The following THSD7A variants were observed in gnomAD, a reference collection of about 807,000 sequenced individuals.
THSD7A encodes the protein thrombospondin type-1 domain-containing protein 7A.
THSD7A carries 96 observed loss-of-function variants against 231.3 expected under a neutral mutation model. The ratio of observed to expected loss-of-function variants is 0.41; its 90% confidence interval spans 0.35 to 0.49. THSD7A has a LOEUF of 0.49. Ranked by LOEUF, THSD7A falls within the 20% of genes least tolerant of loss-of-function variation. The pLI, the probability that THSD7A is intolerant of heterozygous loss-of-function variation, is 0.05. For synonymous variants in THSD7A, 940 were observed against 743.3 expected (o/e 1.26, Z -4.30); for missense variants, 2,290 against 2,070.2 (o/e 1.11, Z -2.06).
At chr7:11,728,075 T>C (rs562122859) in intron 1 of THSD7A, among the ~76,000 whole-genome samples, 2 of 152,158 alleles carry the variant, frequency 1.3e-5, no homozygotes, top group South Asian at 2.1e-4. Context: ...ATCTGGTAGC[T>C]TGTAAAATGC....
At chr7:11,534,701 T>C (rs1182857737) in intron 6 of THSD7A, among the ~76,000 whole-genome samples, 1 of 152,138 alleles carries the variant, frequency 6.6e-6, no homozygotes, top group Non-Finnish European at 1.5e-5. Context: ...AATGAAGTCA[T>C]GGGAAGACAA....
intron 2 of THSD7A, among the ~76,000 whole-genome samples, chr7:11,616,271 C>G (rs1231549109): frequency 6.6e-6 from 1 of 152,138 alleles, no homozygotes; most frequent in Non-Finnish European, 1.5e-5. Flanking sequence ...CTCAATCTCT[C>G]TGCTTCCAGG....
At chr7:11,408,722 G>C (rs1783675363) in intron 19 of THSD7A, among the ~76,000 whole-genome samples, 1 of 152,032 alleles carries the variant, frequency 6.6e-6, no homozygotes, top group African/African-American at 2.4e-5. Context: ...TTAGCTCTAA[G>C]TTATCCACTG....
intron 11 of THSD7A, among the ~76,000 whole-genome samples, chr7:11,454,072 A>T (rs987659874): frequency 4.0e-4 from 61 of 152,144 alleles, no homozygotes; most frequent in African/African-American, 1.2e-3. Flanking sequence ...GAATAGTATG[A>T]AGAAAATATA....
intron 4 of THSD7A, among the ~76,000 whole-genome samples, chr7:11,588,538 T>G (rs903780032): frequency 2.0e-5 from 3 of 152,218 alleles, no homozygotes; most frequent in Non-Finnish European, 2.9e-5. Context: ...CAACTACATC[T>G]TAATAATGAT....
At chr7:11,507,376 T>C (rs867794582) in intron 6 of THSD7A, among the ~76,000 whole-genome samples, 1 of 152,192 alleles carries the variant, frequency 6.6e-6, no homozygotes, top group African/African-American at 2.4e-5. Context: ...TTTAGTGACT[T>C]TATATATTGT....
chr7:11,721,480 T>C lies in THSD7A; in HGVS notation c.191-84519A>G, dbSNP rs145876880. Among the ~76,000 whole-genome samples the C allele has an allele frequency of 6.6e-5, 10 of 151,994 alleles. No individual in the cohort carries two copies. The East Asian group carries it at 2.0e-3, about 30-fold the overall frequency. On this transcript the variant is annotated intron_variant, in intron 1 of 27. Transcript: ENST00000423059. ...CCTTCTGCCATGACTGTAAGTTTCC[T>C]GAGGCCTCCCCAACCATGTTTCCTA... is the stretch of plus-strand genomic sequence containing the variant.
At chr7:11,647,045 T>C (rs1381273423) in intron 1 of THSD7A, among the ~76,000 whole-genome samples, 2 of 152,030 alleles carry the variant, frequency 1.3e-5, no homozygotes, top group African/African-American at 4.8e-5. Flanking sequence ...AATAGAATGA[T>C]TAAACATTTC....
chr7:11,387,208 C>T (rs1171449443), intron 23 of THSD7A, among the ~76,000 whole-genome samples: 6 of 151,978 alleles, frequency 3.9e-5, no homozygotes, highest in Admixed American at 2.0e-4. Context: ...TTTTTTTGTT[C>T]CAGATGAAAC....
chr7:11,782,749 C>T (rs1783672562), intron 1 of THSD7A, among the ~76,000 whole-genome samples: 4 of 152,124 alleles, frequency 2.6e-5, no homozygotes, highest in Admixed American at 2.6e-4. Context: ...ATGCATTTCA[C>T]TGTGGCACCG....
chr7:11,454,368 AC>A (rs1187967373), intron 11 of THSD7A, among the ~76,000 whole-genome samples: 2 of 151,602 alleles, frequency 1.3e-5, no homozygotes, highest in East Asian at 3.9e-4. Context: ...ATCCTTCACT[AC>A]TTCTCATTTT....
intron 2 of THSD7A, among the ~76,000 whole-genome samples, chr7:11,617,384 C>T (rs2128351464): frequency 6.6e-6 from 1 of 152,286 alleles, no homozygotes; most frequent in Non-Finnish European, 1.5e-5. Flanking sequence ...CTTCATATAT[C>T]TTCCTTCCTC....
At chr7:11,413,879 A>T (rs1444951216) in intron 17 of THSD7A, 2 of 152,152 alleles carry the variant, frequency 1.3e-5, no homozygotes, top group Non-Finnish European at 2.9e-5. Context: ...CTGCAGGAGG[A>T]CAGCTTTGAC....
At chr7:11,712,574 A>G (rs1207569830) in intron 1 of THSD7A, among the ~76,000 whole-genome samples, 1 of 151,086 alleles carries the variant, frequency 6.6e-6, no homozygotes, top group Non-Finnish European at 1.5e-5. Context: ...AATATCAGTA[A>G]TAAGTTTCAT....
chr7:11,667,972 T>C (rs574448345), intron 1 of THSD7A, among the ~76,000 whole-genome samples: 21 of 152,278 alleles, frequency 1.4e-4, no homozygotes, highest in Admixed American at 8.5e-4. Flanking sequence ...TTAGAGACCA[T>C]TGAACTCAAT....
chr7:11,789,362 G>A (rs941788281), intron 1 of THSD7A, among the ~76,000 whole-genome samples: 2 of 152,016 alleles, frequency 1.3e-5, no homozygotes, highest in East Asian at 1.9e-4. Flanking sequence ...AAGAAAGGGC[G>A]TGGCATGATC....
intron 6 of THSD7A, among the ~76,000 whole-genome samples, chr7:11,536,251 G>A (rs1436953802): frequency 1.3e-5 from 2 of 152,080 alleles, no homozygotes; most frequent in East Asian, 1.9e-4. Context: ...GTTTAATCGG[G>A]TCTTTGGTTC....
chr7:11,423,257 TA>T (rs1784209742), intron 16 of THSD7A, among the ~76,000 whole-genome samples: 1 of 152,232 alleles, frequency 6.6e-6, no homozygotes, highest in African/African-American at 2.4e-5. Flanking sequence ...AAACAAATAT[TA>T]ACTTGTTCTG....
chr7:11,556,849 G>C (rs1406283695), intron 4 of THSD7A, among the ~76,000 whole-genome samples: 2 of 151,812 alleles, frequency 1.3e-5, no homozygotes, highest in East Asian at 3.9e-4. Flanking sequence ...TCTTTTTCTT[G>C]TAGTAAGGTT....
Sources: gnomAD v4.1 joint callset for allele counts (sites outside exome capture counted in the v4.1 genomes callset) on GRCh38, gnomAD v4.1.1 for gene constraint, MANE v1.5 for transcripts, NCBI Gene and HGNC (gene_info 2026-07-23, HGNC 2026-07-21) for gene names.